The following MAGT1 variants were observed in gnomAD, a reference collection of about 807,000 sequenced individuals.
MAGT1 encodes the protein magnesium transporter 1.
Under a neutral mutation model 28.4 loss-of-function variants are expected in MAGT1, and 4 were observed. The ratio of observed to expected loss-of-function variants is 0.14; its 90% CI spans 0.07 to 0.32. The LOEUF is 0.32. Ranked by LOEUF, MAGT1 falls within the 10% of genes least tolerant of loss-of-function variation. The probability of loss-of-function intolerance (pLI) is 1.00; values close to 1 mark genes in which losing one functional copy is unlikely to be tolerated. For missense variants in MAGT1, 193 were observed against 264.5 expected (o/e 0.73, Z 1.88); for synonymous variants, 89 against 89.7 (o/e 0.99, Z 0.04).
chrX:77,868,837 T>C (rs1394815955), intron 3 of MAGT1, among the ~76,000 whole-genome samples: 1 of 110,304 alleles, frequency 9.1e-6, no homozygotes, highest in African/African-American at 3.3e-5. Context: ...CAAAAAATAG[T>C]TGTGAGAGGT....
At chrX:77,832,520 C>T (rs1352612080) in intron 8 of MAGT1, among the ~76,000 whole-genome samples, 2 of 111,473 alleles carry the variant, frequency 1.8e-5, no homozygotes, top group African/African-American at 6.5e-5. Context: ...GGGTAACATA[C>T]TTAGTGACTG....
At chrX:77,872,903 CTGT>C (rs1569548169) in intron 2 of MAGT1, among the ~76,000 whole-genome samples, 1 of 112,082 alleles carries the variant, frequency 8.9e-6, no homozygotes, top group Non-Finnish European at 1.9e-5. Flanking sequence ...ATTCATGTTG[CTGT>C]TGTTTAATTT....
intron 7 of MAGT1, among the ~76,000 whole-genome samples, chrX:77,853,381 C>T (rs902346221): frequency 8.9e-6 from 1 of 111,914 alleles, no homozygotes; most frequent in Admixed American, 9.6e-5. Context: ...TCAATTTACA[C>T]GTATAATTTC....
Position 77,857,444 on chromosome X carries a change from G to T in MAGT1, c.444C>A (p.Pro148=). ...TFINFPAKGK[P]KRGDTYELQV... ...GTAACTCATATGTATCACCCCGTTT[G>T]GGTTTCCCTTTTGCAGGAAAGTTGA... is the stretch of plus-strand genomic sequence containing the variant. Residue 148 remains proline (P), a synonymous_variant, in exon 4 of 10, where the codon CCC becomes CCA. Transcript: ENST00000618282. The T allele has an allele frequency of 8.3e-7, 1 of 1,211,757 alleles. No individual in the cohort carries two copies.
chrX:77,880,415 G>C (rs781920388), intron 1 of MAGT1, among the ~76,000 whole-genome samples: 69 of 108,796 alleles, frequency 6.3e-4, no homozygotes, highest in African/African-American at 2.0e-3. Flanking sequence ...TGTAATCCCA[G>C]CTACTCGGGA....
intron 3 of MAGT1, among the ~76,000 whole-genome samples, chrX:77,863,030 G>T (rs2076998671): frequency 9.1e-6 from 1 of 109,649 alleles, no homozygotes; most frequent in Non-Finnish European, 1.9e-5. Context: ...AGCTGGGTGT[G>T]GTGATGTGCG....
intron 3 of MAGT1, among the ~76,000 whole-genome samples, chrX:77,861,627 T>C (rs1379920736): frequency 2.7e-5 from 3 of 112,509 alleles, no homozygotes; most frequent in Admixed American, 1.9e-4. Context: ...TTATTCACAA[T>C]AGCCAAAAGC....
At chrX:77,892,883 G>A (rs1603365733) in intron 1 of MAGT1, among the ~76,000 whole-genome samples, 1 of 112,142 alleles carries the variant, frequency 8.9e-6, no homozygotes, top group East Asian at 2.8e-4. Context: ...TTAATCTGAT[G>A]TTTGTTGAGG....
intron 1 of MAGT1, among the ~76,000 whole-genome samples, chrX:77,889,668 GC>G (rs1226908749): frequency 1.8e-5 from 2 of 110,518 alleles, no homozygotes; most frequent in Non-Finnish European, 3.8e-5. Flanking sequence ...ACTGTGCCCG[GC>G]CTTAGGTGTA....
At chrX:77,841,953 G>A (rs1257718332) in intron 7 of MAGT1, among the ~76,000 whole-genome samples, 2 of 102,370 alleles carry the variant, frequency 2.0e-5, no homozygotes, top group Non-Finnish European at 3.9e-5. Flanking sequence ...GCCTCCCAAA[G>A]TGCTGGGATT....
intron 7 of MAGT1, among the ~76,000 whole-genome samples, chrX:77,844,828 T>C (rs2076946273): frequency 8.9e-6 from 1 of 111,778 alleles, no homozygotes; most frequent in African/African-American, 3.3e-5. Context: ...ATAATTTCTG[T>C]TCTTTTACTT....
At chrX:77,831,387 A>G (rs1305307624) in intron 8 of MAGT1, among the ~76,000 whole-genome samples, 1 of 110,858 alleles carries the variant, frequency 9.0e-6, no homozygotes, top group Non-Finnish European at 1.9e-5. Context: ...CTTTTCAACA[A>G]TTTTCATCCC....
At chrX:77,872,280 T>C (rs1427487570) in intron 2 of MAGT1, among the ~76,000 whole-genome samples, 1 of 111,069 alleles carries the variant, frequency 9.0e-6, no homozygotes, top group Admixed American at 9.7e-5. Context: ...TGTCCTCAGG[T>C]GATCCGCCTG....
At chrX:77,839,167 G>C (rs1214719849) in intron 8 of MAGT1, among the ~76,000 whole-genome samples, 1 of 105,998 alleles carries the variant, frequency 9.4e-6, no homozygotes, top group Non-Finnish European at 1.9e-5. Flanking sequence ...AGCCAGGCAT[G>C]GTGGCGGGTG....
At chrX:77,876,164 A>ATTTT (rs1163646892) in intron 1 of MAGT1, among the ~76,000 whole-genome samples, 3 of 24,966 alleles carry the variant, frequency 1.2e-4, no homozygotes, top group Admixed American at 8.9e-4. Flanking sequence ...ATATATATAT[A>ATTTT]TTTTTTTTTT....
chrX:77,893,902 C>CA (rs781965551), intron 1 of MAGT1, among the ~76,000 whole-genome samples: 246 of 82,555 alleles, frequency 3.0e-3, no homozygotes, highest in Admixed American at 3.6e-3. Context: ...GACCCGGTCT[C>CA]AAAAAAAAAA....
At chrX:77,854,266 C>T (rs2076976002) in intron 6 of MAGT1, among the ~76,000 whole-genome samples, 1 of 111,479 alleles carries the variant, frequency 9.0e-6, no homozygotes, top group African/African-American at 3.3e-5. Context: ...TCCCAAAGTC[C>T]TGGCTCCGGT....
At chrX:77,850,687 C>T (rs958944523) in intron 7 of MAGT1, among the ~76,000 whole-genome samples, 1 of 110,859 alleles carries the variant, frequency 9.0e-6, no homozygotes, top group Non-Finnish European at 1.9e-5. Flanking sequence ...GATTGTAATC[C>T]GTTCCAAATG....
At chrX:77,879,293 G>C (rs1557218186) in intron 1 of MAGT1, among the ~76,000 whole-genome samples, 1 of 111,679 alleles carries the variant, frequency 9.0e-6, no homozygotes, top group Non-Finnish European at 1.9e-5. Flanking sequence ...TTGACCTCAT[G>C]ATCTGCTCGC....
Sources: gnomAD v4.1 joint callset for allele counts (sites outside exome capture counted in the v4.1 genomes callset) on GRCh38, gnomAD v4.1.1 for gene constraint, MANE v1.5 for transcripts, NCBI Gene and HGNC (gene_info 2026-07-23, HGNC 2026-07-21) for gene names.